PARD3: variants seen among roughly 807,000 people sequenced by gnomAD.
PARD3 encodes partitioning defective 3 homolog.
In PARD3, 75 loss-of-function variants were observed where a neutral mutation model predicts 155.4. The observed-to-expected ratio is 0.48, with a 90% CI of 0.40 to 0.58. The LOEUF (loss-of-function observed/expected upper bound fraction) is 0.58. Ranked by LOEUF, PARD3 falls within the 20% of genes least tolerant of loss-of-function variation. PARD3 has a pLI of 0.00. For synonymous variants in PARD3, 576 were observed against 610.5 expected (o/e 0.94, Z 0.83); for missense variants, 1,642 against 1,721.7 (o/e 0.95, Z 0.82).
intron 22 of PARD3, among the ~76,000 whole-genome samples, chr10:34,260,397 G>A (rs530962055): frequency 1.3e-5 from 2 of 152,304 alleles, no homozygotes; most frequent in African/African-American, 4.8e-5. Flanking sequence ...GCCTTGAAGT[G>A]GTGGGGCTGG....
chr10:34,134,260 T>C (rs1006551512), intron 22 of PARD3, among the ~76,000 whole-genome samples: 3 of 152,208 alleles, frequency 2.0e-5, no homozygotes, highest in African/African-American at 7.2e-5. Context: ...CATTCCCGAA[T>C]CTCACTGTCA....
rs920037879 is a variant in PARD3, at chr10:34,328,530, G to C, written c.2833+2587C>G. Among the ~76,000 whole-genome samples, 4 of 152,138 alleles carry C rather than the reference G, an allele frequency of 2.6e-5. No individual in the cohort carries two copies. In the East Asian group the frequency reaches 7.7e-4, roughly 29 times the overall value. ...AATTTACAAAGGATCCCCATGTACAGAAGTGAGTAAAACAACTGTGAAGGT... is the reference window on the plus strand; with the variant it reads ...AATTTACAAAGGATCCCCATGTACACAAGTGAGTAAAACAACTGTGAAGGT... On this transcript the variant is annotated intron_variant, in intron 19 of 24. Coordinates refer to ENST00000374788, the MANE Select transcript of PARD3 (RefSeq NM_001184785.2).
At chr10:34,525,673 A>C (rs1053961628) in intron 2 of PARD3, among the ~76,000 whole-genome samples, 2 of 152,204 alleles carry the variant, frequency 1.3e-5, no homozygotes, top group African/African-American at 4.8e-5. Context: ...ATCCCTCAAT[A>C]GTAACTCTTT....
At chr10:34,563,069 C>T (rs1013955826) in intron 2 of PARD3, among the ~76,000 whole-genome samples, 1 of 152,114 alleles carries the variant, frequency 6.6e-6, no homozygotes, top group Non-Finnish European at 1.5e-5. Context: ...CCCCACCTGA[C>T]CTTATTTATT....
At chr10:34,246,657 C>A (rs1482645873) in intron 22 of PARD3, among the ~76,000 whole-genome samples, 1 of 149,410 alleles carries the variant, frequency 6.7e-6, no homozygotes, top group African/African-American at 2.6e-5. Flanking sequence ...TAAGCCCAGA[C>A]AAGAACAACT....
intron 1 of PARD3, among the ~76,000 whole-genome samples, chr10:34,805,296 G>C (rs1281256042): frequency 6.6e-6 from 1 of 152,142 alleles, no homozygotes; most frequent in East Asian, 1.9e-4. Flanking sequence ...GGCAGAGGTT[G>C]CAGTGAGCCG....
chr10:34,687,580 G>A (rs975143327), intron 2 of PARD3, among the ~76,000 whole-genome samples: 2 of 152,042 alleles, frequency 1.3e-5, no homozygotes, highest in Non-Finnish European at 2.9e-5. Flanking sequence ...TCCACAAAGG[G>A]CAAGAAACAG....
intron 15 of PARD3, chr10:34,343,683 A>T: frequency 2.0e-6 from 2 of 984,812 alleles, no homozygotes; most frequent in Non-Finnish European, 2.4e-6. Context: ...CCTAGACAAT[A>T]CAATGATCCC....
chr10:34,196,368 T>G (rs1950933947), intron 22 of PARD3, among the ~76,000 whole-genome samples: 1 of 152,170 alleles, frequency 6.6e-6, no homozygotes, highest in African/African-American at 2.4e-5. Flanking sequence ...AAAATCACCT[T>G]TATTCTTAAT....
intron 2 of PARD3, among the ~76,000 whole-genome samples, chr10:34,619,096 G>T (rs923401397): frequency 1.3e-5 from 2 of 150,614 alleles, no homozygotes; most frequent in Non-Finnish European, 3.0e-5. Context: ...TGTCACCCAG[G>T]CTGGAGTACA....
At chr10:34,208,601 G>C (rs1951590106) in intron 22 of PARD3, among the ~76,000 whole-genome samples, 1 of 152,202 alleles carries the variant, frequency 6.6e-6, no homozygotes, top group Non-Finnish European at 1.5e-5. Context: ...TAAGGACGCA[G>C]AGAAGAGAGG....
At chr10:34,666,062 T>TAAA (rs1564480319) in intron 2 of PARD3, among the ~76,000 whole-genome samples, 1,703 of 150,166 alleles carry the variant, frequency 0.011, 34 homozygotes, top group African/African-American at 0.04. Flanking sequence ...AAAAAAAAAT[T>TAAA]AAATTAAATT....
At chr10:34,414,749 C>T (rs572074849) in intron 5 of PARD3, among the ~76,000 whole-genome samples, 1 of 151,856 alleles carries the variant, frequency 6.6e-6, no homozygotes, top group Non-Finnish European at 1.5e-5. Flanking sequence ...GATAGACATG[C>T]CCAGTACTCT....
chr10:34,507,548 C>CAAAAAAAAAAAACA (rs772632460), intron 3 of PARD3, among the ~76,000 whole-genome samples: 7 of 43,002 alleles, frequency 1.6e-4, no homozygotes, highest in African/African-American at 7.9e-4. Context: ...ATTAAAAAAA[C>CAAAAAAAAAAAACA]AAAAAAAAAA....
intron 6 of PARD3, among the ~76,000 whole-genome samples, chr10:34,399,874 G>A (rs543584803): frequency 6.6e-6 from 1 of 152,264 alleles, no homozygotes; most frequent in East Asian, 1.9e-4. Flanking sequence ...AGATGTTGCA[G>A]CTACAGAACA....
At chr10:34,246,716 G>T (rs889299159) in intron 22 of PARD3, among the ~76,000 whole-genome samples, 2 of 149,350 alleles carry the variant, frequency 1.3e-5, no homozygotes, top group African/African-American at 5.2e-5. Context: ...ACAACTGTGG[G>T]CACCCTGATA....
At chr10:34,657,148 CG>C (rs553075179) in intron 2 of PARD3, among the ~76,000 whole-genome samples, 13 of 151,978 alleles carry the variant, frequency 8.6e-5, no homozygotes, top group African/African-American at 3.1e-4. Context: ...GGCTCATGTC[CG>C]TAATTCCAGC....
chr10:34,775,913 T>C (rs1170718236), intron 1 of PARD3, among the ~76,000 whole-genome samples: 1 of 152,084 alleles, frequency 6.6e-6, no homozygotes, highest in Non-Finnish European at 1.5e-5. Flanking sequence ...TTTCAATTAA[T>C]AACTTTGTTC....
chr10:34,269,801 T>A lies in PARD3; in HGVS notation c.3275A>T (p.Glu1092Val), dbSNP rs772824652. 2 of 1,614,034 alleles carry A rather than the reference T, an allele frequency of 1.2e-6. No individual in the cohort carries two copies. The highest frequency in any genetic ancestry group is 1.1e-5 in the South Asian group (1 of 91,072). The change falls in exon 22 of 25, where the codon GAG becomes GTG. Residue 1092 changes from glutamate (E) to valine (V), a missense_variant. Glu to Val is a moderately radical substitution (Grantham distance 121). Around this residue, in one of 3 missense-constraint regions of PARD3, gnomAD observed 1,529 missense variants for 1,587.3 expected, o/e 0.96. Coordinates refer to ENST00000374788, the MANE Select transcript of PARD3 (RefSeq NM_001184785.2). ...DFHRTFGCDDELMYGGVSSYE... is the reference protein window; with the variant it reads ...DFHRTFGCDDVLMYGGVSSYE... ...AGAAGAAACTCCCCCATACATTAAC[T>A]CATCATCACAGCCAAATGTCCGATG...
Sources: allele counts gnomAD v4.1 joint callset (sites outside exome capture counted in the v4.1 genomes callset), GRCh38; gene constraint gnomAD v4.1.1; regional missense constraint gnomAD v4.1.1; transcripts MANE v1.5; gene names NCBI Gene and HGNC (gene_info 2026-07-23, HGNC 2026-07-21).